DDC: variants seen among roughly 807,000 people sequenced by gnomAD.
DDC encodes dopa decarboxylase, also known as aromatic-L-amino-acid decarboxylase.
Under a neutral mutation model 60.0 loss-of-function variants are expected in DDC, and 43 were observed. The ratio of observed to expected loss-of-function variants is 0.72; its 90% CI spans 0.56 to 0.92. The LOEUF (loss-of-function observed/expected upper bound fraction) is 0.92, where lower values mean the gene tolerates loss of function less well. DDC is among the 40% of genes least tolerant of loss of function. DDC has a pLI of 0.00. For missense variants in DDC, 573 were observed against 620.2 expected (o/e 0.92, Z 0.81); for synonymous variants, 232 against 234.6 (o/e 0.99, Z 0.10).
intron 9 of DDC, among the ~76,000 whole-genome samples, chr7:50,490,678 G>A (rs779222426): frequency 6.6e-6 from 1 of 152,106 alleles, no homozygotes; most frequent in Non-Finnish European, 1.5e-5. Flanking sequence ...AACAGAGCAA[G>A]GCTCTGTCTC....
In DDC at chr7:50,504,052, G is replaced by A. The variant is rs2043326389; in HGVS notation, c.722C>T (p.Ala241Val). The change falls in exon 7 of 15, where the codon GCC becomes GTC. Residue 241 changes from alanine (A) to valine (V), a missense_variant. Ala to Val is a moderately conservative substitution (Grantham distance 64, BLOSUM62 0). Transcript: ENST00000444124. ...GCAGCATGTTGTGGTCCCCAGGGTGGCAACCATCTAGAGGGTAAAAAGCAG... is the reference window on the plus strand; with the variant it reads ...GCAGCATGTTGTGGTCCCCAGGGTGACAACCATCTAGAGGGTAAAAAGCAG... ...AAGLIPFFMV[A>V]TLGTTTCCSF... 2 of 1,612,980 alleles carry A rather than the reference G, an allele frequency of 1.2e-6. No homozygotes were observed. Among genetic ancestry groups the A allele is most frequent in the East Asian group, 4.5e-5 (2 of 44,874 alleles).
chr7:50,508,698 ACCATGTGGCTACATC>A (rs1460518354), intron 6 of DDC, among the ~76,000 whole-genome samples: 1 of 152,176 alleles, frequency 6.6e-6, no homozygotes, highest in Non-Finnish European at 1.5e-5. Flanking sequence ...TATAATGAAG[ACCATGTGGCTACATC>A]CCAGAAGGAC....
chr7:50,529,364 A>T, intron 4 of DDC, 22 bp from the exon 5 acceptor site: 1 of 1,614,098 alleles, frequency 6.2e-7, no homozygotes, highest in Non-Finnish European at 8.5e-7. Flanking sequence ...AGAAGGTCCA[A>T]ATGAAATCCC....
chr7:50,515,481 T>C (rs936425347), intron 6 of DDC, among the ~76,000 whole-genome samples: 2 of 152,100 alleles, frequency 1.3e-5, no homozygotes, highest in African/African-American at 4.8e-5. Flanking sequence ...ACACAGGACC[T>C]ATAAAGCAAA....
chr7:50,481,705 TG>T (rs1419800322), intron 9 of DDC, among the ~76,000 whole-genome samples: 1 of 152,250 alleles, frequency 6.6e-6, no homozygotes, highest in East Asian at 1.9e-4. Flanking sequence ...GCCACAAGGC[TG>T]AATTTGTGTT....
chr7:50,500,570 T>C (rs867544732), intron 7 of DDC, among the ~76,000 whole-genome samples: 6 of 152,310 alleles, frequency 3.9e-5, no homozygotes, highest in Middle Eastern at 3.4e-3. Flanking sequence ...TAAGGCCTTG[T>C]GCTCTTCCTG....
intron 8 of DDC, among the ~76,000 whole-genome samples, chr7:50,498,718 G>T (rs759004168): frequency 5.9e-5 from 9 of 152,228 alleles, no homozygotes; most frequent in Admixed American, 1.3e-4. Flanking sequence ...TGCATTGGTA[G>T]CTTCTCGTTC....
chr7:50,526,938 AC>A (rs796825748), intron 6 of DDC, among the ~76,000 whole-genome samples: 18 of 152,330 alleles, frequency 1.2e-4, no homozygotes, highest in African/African-American at 4.1e-4. Flanking sequence ...ATGTGTATGC[AC>A]CAAATTAATA....
intron 14 of DDC, 79 bp from the exon 15 acceptor site, chr7:50,458,922 C>T (rs138738170): frequency 0.073 from 10,968 of 150,360 alleles, 510 homozygotes; most frequent in Middle Eastern, 0.12. Flanking sequence ...CCCTCTCCCT[C>T]TCCCTTTCCC....
At chr7:50,521,402 A>G (rs747098420) in intron 6 of DDC, among the ~76,000 whole-genome samples, 9 of 152,218 alleles carry the variant, frequency 5.9e-5, no homozygotes, top group Non-Finnish European at 1.3e-4. Context: ...CAGAAAATAG[A>G]AGCAAAAGGA....
At chr7:50,540,491 CAAACA>C (rs1190192037) in intron 2 of DDC, among the ~76,000 whole-genome samples, 2 of 68,962 alleles carry the variant, frequency 2.9e-5, no homozygotes, top group African/African-American at 5.0e-5. Flanking sequence ...AACAAACAAA[CAAACA>C]AAAAAAAAAA....
intron 4 of DDC, among the ~76,000 whole-genome samples, chr7:50,535,836 A>G (rs4245549): frequency 6.6e-6 from 1 of 152,154 alleles, no homozygotes; most frequent in African/African-American, 2.4e-5. Context: ...AAGTTAAGAA[A>G]CTTGACTTGA....
chr7:50,473,664 T>G (rs578258630), intron 11 of DDC, among the ~76,000 whole-genome samples: 1 of 152,094 alleles, frequency 6.6e-6, no homozygotes, highest in Admixed American at 6.5e-5. Context: ...CTGGGTTCCT[T>G]TAGAAGCAAC....
intron 10 of DDC, among the ~76,000 whole-genome samples, chr7:50,479,434 TG>T (rs575866401): frequency 9.2e-5 from 14 of 152,374 alleles, no homozygotes; most frequent in African/African-American, 3.4e-4. Context: ...AAAGCCTTTT[TG>T]TAGACATTAT....
At position 50,467,202 on chromosome 7, in the gene DDC, A is replaced by T. The variant is rs755400557; in HGVS notation, c.1242+12T>A. 1 of 1,604,654 alleles carries T rather than the reference A, an allele frequency of 6.2e-7. No homozygotes were observed. The highest frequency in any genetic ancestry group is 1.7e-5 in the Admixed American group (1 of 60,014). On this transcript the variant is annotated intron_variant, in intron 13 of 14. Transcript: ENST00000444124. ...TCACAGAAAATGAAGAATGGAATAG[A>T]TGTAGACAAACCTTTAGCCGAAAGC...
chr7:50,479,658 G>A, intron 10 of DDC, 129 bp downstream of exon 10: 1 of 870,952 alleles, frequency 1.1e-6, no homozygotes, highest in African/African-American at 1.6e-5. Flanking sequence ...GGAATGCACA[G>A]CACCCCGTCT....
At chr7:50,464,535 G>C (rs1376425962) in intron 13 of DDC, among the ~76,000 whole-genome samples, 1 of 152,228 alleles carries the variant, frequency 6.6e-6, no homozygotes, top group African/African-American at 2.4e-5. Context: ...AAAAGACTCA[G>C]TATGAGAGCA....
intron 14 of DDC, among the ~76,000 whole-genome samples, chr7:50,462,015 CA>C (rs1025449303): frequency 6.6e-6 from 1 of 152,098 alleles, no homozygotes; most frequent in African/African-American, 2.4e-5. Flanking sequence ...ACTTGTTGAG[CA>C]CTATACTTTT....
At chr7:50,527,952 A>T (rs1332734041) in intron 6 of DDC, 185 bp downstream of exon 6, 9 of 577,706 alleles carry the variant, frequency 1.6e-5, no homozygotes, top group Non-Finnish European at 2.7e-5. Flanking sequence ...GCTGGAGTGC[A>T]GCGGCGCGAT....
Sources: allele counts gnomAD v4.1 joint callset (sites outside exome capture counted in the v4.1 genomes callset), GRCh38; gene constraint gnomAD v4.1.1; transcripts MANE v1.5; gene names NCBI Gene and HGNC (gene_info 2026-07-23, HGNC 2026-07-21).